Variants in TRAPPC9 observed in about 807,000 individuals in gnomAD.
TRAPPC9 encodes trafficking protein particle complex subunit 9.
TRAPPC9 carries 83 observed loss-of-function variants against 124.0 expected under a neutral mutation model. That is an observed-to-expected ratio of 0.67 (90% CI 0.56 to 0.80). TRAPPC9 has a LOEUF of 0.80. TRAPPC9 is among the 30% of genes least tolerant of loss of function. The pLI is 0.00. For missense variants in TRAPPC9, 1,302 were observed against 1,508.3 expected (o/e 0.86, Z 2.27); for synonymous variants, 638 against 617.5 (o/e 1.03, Z -0.49).
chr8:139,762,369 T>C (rs923180028), intron 21 of TRAPPC9, among the ~76,000 whole-genome samples: 1 of 152,194 alleles, frequency 6.6e-6, no homozygotes, highest in African/African-American at 2.4e-5. Flanking sequence ...ACACTGCGGA[T>C]AGGTTCTGAG....
intron 9 of TRAPPC9, among the ~76,000 whole-genome samples, chr8:140,355,767 G>A (rs2067722573): frequency 6.6e-6 from 1 of 152,204 alleles, no homozygotes; most frequent in Admixed American, 6.5e-5. Flanking sequence ...TAGGGCTGGT[G>A]AAGACCACAG....
At chr8:140,050,887 G>A (rs1488679839) in intron 17 of TRAPPC9, among the ~76,000 whole-genome samples, 3 of 152,344 alleles carry the variant, frequency 2.0e-5, no homozygotes, top group Admixed American at 6.5e-5. Flanking sequence ...GCACCTGCAC[G>A]TGGCCTTCTT....
At chr8:140,261,255 A>G (rs1183280577) in intron 15 of TRAPPC9, among the ~76,000 whole-genome samples, 1 of 152,162 alleles carries the variant, frequency 6.6e-6, no homozygotes, top group Non-Finnish European at 1.5e-5. Context: ...TCATTCATTC[A>G]ATGGACACTT....
In TRAPPC9 at chr8:139,871,553, A is replaced by T. The variant is rs144413474; in HGVS notation, c.3055+14326T>A. On this transcript the variant is annotated intron_variant, in intron 21 of 22. Coordinates refer to ENST00000438773, the MANE Select transcript of TRAPPC9 (RefSeq NM_001160372.4). ...CTATTAGAACCTTATATTTCCTGGA[A>T]TCTGAATCAAATGATGAAAGGCATG... Among the ~76,000 whole-genome samples the T allele has an allele frequency of 4.1e-3, 624 of 152,320 alleles. 4 individuals are homozygous for T. Among genetic ancestry groups the T allele is most frequent in the Middle Eastern group, 6.8e-3 (2 of 294 alleles).
chr8:139,988,585 T>C, intron 19 of TRAPPC9, 141 bp downstream of exon 19: 6 of 654,186 alleles, frequency 9.2e-6, no homozygotes, highest in South Asian at 8.6e-5. Flanking sequence ...CAAACTTGAA[T>C]AGTCACTACG....
intron 9 of TRAPPC9, among the ~76,000 whole-genome samples, chr8:140,343,462 G>A (rs984641813): frequency 3.3e-5 from 5 of 152,334 alleles, no homozygotes; most frequent in African/African-American, 1.2e-4. Flanking sequence ...AATCTGACTT[G>A]GGAAATACTG....
chr8:140,154,245 T>C (rs560041439), intron 17 of TRAPPC9, among the ~76,000 whole-genome samples: 2 of 152,232 alleles, frequency 1.3e-5, no homozygotes, highest in Non-Finnish European at 2.9e-5. Flanking sequence ...ACTGATTTCA[T>C]CACCTCTCTC....
intron 17 of TRAPPC9, among the ~76,000 whole-genome samples, chr8:140,129,994 T>C (rs148142616): frequency 0.012 from 1,773 of 152,196 alleles, 33 homozygotes; most frequent in African/African-American, 0.04. Flanking sequence ...AGATGACTGA[T>C]TGCAGGGCTG....
intron 21 of TRAPPC9, among the ~76,000 whole-genome samples, chr8:139,784,617 A>ATATATATATCTATATATC (rs1822079890): frequency 1.9e-5 from 2 of 105,338 alleles, no homozygotes; most frequent in Non-Finnish European, 4.0e-5. Context: ...ACATATATAT[A>ATATATATATCTATATATC]TATATATATA....
At chr8:140,192,966 T>C (rs2062533019) in intron 17 of TRAPPC9, among the ~76,000 whole-genome samples, 1 of 152,156 alleles carries the variant, frequency 6.6e-6, no homozygotes, top group African/African-American at 2.4e-5. Context: ...TGAGTGGAGA[T>C]AGGGTTTCAC....
intron 21 of TRAPPC9, among the ~76,000 whole-genome samples, chr8:139,799,851 C>T (rs1586868985): frequency 6.6e-6 from 1 of 152,328 alleles, no homozygotes; most frequent in East Asian, 1.9e-4. Context: ...GAGCATGGGG[C>T]CACTGAGGCA....
chr8:140,429,508 C>A (rs1469979925), intron 4 of TRAPPC9, among the ~76,000 whole-genome samples: 1 of 152,200 alleles, frequency 6.6e-6, no homozygotes, highest in Admixed American at 6.5e-5. Flanking sequence ...ATCCAACCTA[C>A]CTTATCTGGT....
At chr8:140,386,949 G>A (rs2068770519) in intron 7 of TRAPPC9, among the ~76,000 whole-genome samples, 1 of 152,100 alleles carries the variant, frequency 6.6e-6, no homozygotes, top group Non-Finnish European at 1.5e-5. Context: ...AAACAGCATG[G>A]TACTGGTACC....
At chr8:140,226,908 A>T (rs1309725366) in intron 16 of TRAPPC9, among the ~76,000 whole-genome samples, 1 of 152,130 alleles carries the variant, frequency 6.6e-6, no homozygotes, top group Non-Finnish European at 1.5e-5. Flanking sequence ...TTTTGGACAC[A>T]GACCTCAAAA....
intron 21 of TRAPPC9, among the ~76,000 whole-genome samples, chr8:139,820,007 C>CAAAAAAAAA (rs35064399): frequency 1.9e-5 from 1 of 51,810 alleles, no homozygotes; most frequent in Non-Finnish European, 3.3e-5. Context: ...GACTCTGTCT[C>CAAAAAAAAA]AAAAAAAAAA....
intron 5 of TRAPPC9, among the ~76,000 whole-genome samples, chr8:140,408,291 G>A (rs1017798673): frequency 6.6e-6 from 1 of 152,082 alleles, no homozygotes; most frequent in African/African-American, 2.4e-5. Flanking sequence ...GGGGAGGGGG[G>A]AAGGTTGAAA....
chr8:140,071,024 C>G (rs1563737682), intron 17 of TRAPPC9, among the ~76,000 whole-genome samples: 1 of 152,222 alleles, frequency 6.6e-6, no homozygotes, highest in South Asian at 2.1e-4. Flanking sequence ...TGCGTGCGAT[C>G]GTTCTAGCAT....
chr8:139,928,401 AG>A (rs1408581825), intron 19 of TRAPPC9, among the ~76,000 whole-genome samples: 1 of 152,108 alleles, frequency 6.6e-6, no homozygotes, highest in Non-Finnish European at 1.5e-5. Context: ...CTGAGGCAGG[AG>A]AATCGCTTGA....
At chr8:140,250,991 C>T (rs2131495885) in intron 16 of TRAPPC9, among the ~76,000 whole-genome samples, 1 of 152,290 alleles carries the variant, frequency 6.6e-6, no homozygotes, top group East Asian at 1.9e-4. Flanking sequence ...GCCCTAGTCC[C>T]CTCTATAACA....
Sources: gnomAD v4.1 joint callset for allele counts (sites outside exome capture counted in the v4.1 genomes callset) on GRCh38, gnomAD v4.1.1 for gene constraint, MANE v1.5 for transcripts, NCBI Gene and HGNC (gene_info 2026-07-23, HGNC 2026-07-21) for gene names.